The following DLEU7 variants were observed in gnomAD, a reference collection of about 807,000 sequenced individuals.
DLEU7 encodes leukemia-associated protein 7.
Under a neutral mutation model 16.0 loss-of-function variants are expected in DLEU7, and 17 were observed. The ratio of observed to expected loss-of-function variants is 1.06; its 90% confidence interval spans 0.73 to 1.59. The LOEUF (loss-of-function observed/expected upper bound fraction) is 1.59, where lower values mean the gene tolerates loss of function less well. Ranked by LOEUF, DLEU7 falls within the 40% of genes most tolerant of loss-of-function variation. DLEU7 has a pLI of 0.00. For missense variants in DLEU7, 308 were observed against 314.9 expected (o/e 0.98, Z 0.17); for synonymous variants, 113 against 139.8 (o/e 0.81, Z 1.35).
chr13:50,811,504 A>G (rs1429165991), intron 1 of DLEU7, among the ~76,000 whole-genome samples: 2 of 152,138 alleles, frequency 1.3e-5, no homozygotes, highest in Non-Finnish European at 2.9e-5. Flanking sequence ...GATGATGGGC[A>G]TTTCTGAGAG....
intron 1 of DLEU7, among the ~76,000 whole-genome samples, chr13:50,795,730 G>A (rs1368640829): frequency 9.2e-5 from 14 of 151,850 alleles, no homozygotes; most frequent in Non-Finnish European, 1.8e-4. Flanking sequence ...ATTTTTATCA[G>A]CAAGCTAAAA....
intron 1 of DLEU7, among the ~76,000 whole-genome samples, chr13:50,804,149 A>G (rs1018058248): frequency 3.3e-5 from 5 of 152,206 alleles, no homozygotes; most frequent in Non-Finnish European, 7.4e-5. Context: ...AGGTAGGGCT[A>G]GTACCATGTA....
chr13:50,743,404 A>G (rs2137726984), intron 1 of DLEU7, among the ~76,000 whole-genome samples: 1 of 152,276 alleles, frequency 6.6e-6, no homozygotes, highest in Non-Finnish European at 1.5e-5. Context: ...TTAGTAGTTA[A>G]GAGTATAGGC....
chr13:50,746,722 C>G (rs1447151629), intron 1 of DLEU7, among the ~76,000 whole-genome samples: 1 of 152,120 alleles, frequency 6.6e-6, no homozygotes, highest in Non-Finnish European at 1.5e-5. Context: ...TACTTCCACA[C>G]TGTTTTTCAG....
intron 1 of DLEU7, among the ~76,000 whole-genome samples, chr13:50,764,295 A>G (rs1440213156): frequency 6.6e-6 from 1 of 152,238 alleles, no homozygotes; most frequent in Non-Finnish European, 1.5e-5. Flanking sequence ...CCATAAAAGG[A>G]GTTCAACAGT....
chr13:50,751,466 C>T lies in DLEU7; in HGVS notation c.460-38226G>A, dbSNP rs143822932. On this transcript the variant is annotated intron_variant, in intron 1 of 1. Transcript: ENST00000400393. The stretch of plus-strand genomic sequence containing the variant: ...TCATAGAATGAATTAGAGAGGGTTC[C>T]CTCTTTCTCTATCTTGTGGAATAGT... 4.6e-3 allele frequency among the ~76,000 whole-genome samples: 693 copies of T among 152,118 alleles called. 3 individuals are homozygous for T. Among genetic ancestry groups the T allele is most frequent in the African/African-American group, 0.015 (604 of 41,486 alleles).
chr13:50,714,019 T>G (rs944570285), intron 1 of DLEU7, among the ~76,000 whole-genome samples: 1 of 152,088 alleles, frequency 6.6e-6, no homozygotes, highest in Non-Finnish European at 1.5e-5. Context: ...CTCCCCTCAC[T>G]CCCATGCTCT....
intron 1 of DLEU7, among the ~76,000 whole-genome samples, chr13:50,793,672 T>A (rs756613038): frequency 6.6e-6 from 1 of 152,254 alleles, no homozygotes; most frequent in Non-Finnish European, 1.5e-5. Flanking sequence ...TCTGTTCATG[T>A]GCTTTGCCCA....
chr13:50,718,470 A>T (rs1382811270), intron 1 of DLEU7, among the ~76,000 whole-genome samples: 1 of 152,232 alleles, frequency 6.6e-6, no homozygotes, highest in Non-Finnish European at 1.5e-5. Flanking sequence ...ATGAGGGGCT[A>T]TTGGCTGGAG....
chr13:50,796,264 T>C (rs564901096), intron 1 of DLEU7, among the ~76,000 whole-genome samples: 1 of 152,270 alleles, frequency 6.6e-6, no homozygotes, highest in African/African-American at 2.4e-5. Context: ...ATTATAACAA[T>C]ATGCCAGCAT....
chr13:50,735,897 A>G (rs1160185993), intron 1 of DLEU7, among the ~76,000 whole-genome samples: 1 of 152,160 alleles, frequency 6.6e-6, no homozygotes, highest in African/African-American at 2.4e-5. Context: ...ATGCTTCTAC[A>G]CTGTTGGTGG....
At chr13:50,721,198 C>A (rs747920268) in intron 1 of DLEU7, among the ~76,000 whole-genome samples, 1 of 152,232 alleles carries the variant, frequency 6.6e-6, no homozygotes, top group Non-Finnish European at 1.5e-5. Flanking sequence ...ACATCAGACT[C>A]CAAGTTCTTC....
At chr13:50,721,420 T>C (rs1248854064) in intron 1 of DLEU7, among the ~76,000 whole-genome samples, 1 of 152,154 alleles carries the variant, frequency 6.6e-6, no homozygotes, top group African/African-American at 2.4e-5. Flanking sequence ...CCTTCACATA[T>C]ACATCTATCT....
intron 1 of DLEU7, among the ~76,000 whole-genome samples, chr13:50,752,108 G>C (rs1470739649): frequency 3.3e-5 from 5 of 149,418 alleles, no homozygotes; most frequent in African/African-American, 1.2e-4. Flanking sequence ...CTGGAGTGCA[G>C]TGGCACAATC....
chr13:50,823,472 C>T lies in DLEU7; in HGVS notation c.508G>A (p.Glu170Lys), dbSNP rs1876979306. The T allele has an allele frequency of 3.9e-6, 6 of 1,535,966 alleles. No individual in the cohort carries two copies. In the East Asian group the frequency reaches 1.5e-4, roughly 38 times the overall value. The stretch of plus-strand genomic sequence containing the variant: ...AAGTCTCTGTCAAACTGCTGTCCTT[C>T]AATCTGTAGAGCCAAATGACTGCAG... ...NICSHLALQI[E>K]GQQFDRDLNA... Residue 170 changes from glutamate to lysine, a missense_variant, in exon 2 of 2, where the codon GAA becomes AAA. Coordinates refer to ENST00000504404, the MANE Select transcript of DLEU7 (RefSeq NM_001306135.2).
At chr13:50,749,386 T>C (rs1489327269) in intron 1 of DLEU7, among the ~76,000 whole-genome samples, 1 of 152,200 alleles carries the variant, frequency 6.6e-6, no homozygotes, top group African/African-American at 2.4e-5. Context: ...CAAATTGTGT[T>C]GCTATAAACA....
intron 1 of DLEU7, among the ~76,000 whole-genome samples, chr13:50,800,713 T>A (rs1429994944): frequency 6.6e-6 from 1 of 152,170 alleles, no homozygotes; most frequent in Admixed American, 6.5e-5. Context: ...ATATTTGCTT[T>A]GGACAAATAC....
chr13:50,813,039 G>C (rs1157011482), intron 1 of DLEU7: 2 of 152,106 alleles, frequency 1.3e-5, no homozygotes, highest in African/African-American at 2.4e-5. Flanking sequence ...ATACTAACCA[G>C]GCCCGCCCCA....
intron 1 of DLEU7, among the ~76,000 whole-genome samples, chr13:50,721,441 C>T (rs936755757): frequency 6.6e-6 from 1 of 151,808 alleles, no homozygotes; most frequent in African/African-American, 2.4e-5. Flanking sequence ...TATTCTGTCC[C>T]TCTAGAGAAC....
Sources: gnomAD v4.1 joint callset for allele counts (sites outside exome capture counted in the v4.1 genomes callset) on GRCh38, gnomAD v4.1.1 for gene constraint, MANE v1.5 for transcripts, NCBI Gene and HGNC (gene_info 2026-07-23, HGNC 2026-07-21) for gene names.